Variants in TIAM1 observed in about 807,000 individuals in gnomAD.
TIAM1 encodes the protein rho guanine nucleotide exchange factor TIAM1.
TIAM1 carries 65 observed loss-of-function variants against 163.5 expected under a neutral mutation model. The observed-to-expected ratio is 0.40, with a 90% confidence interval of 0.33 to 0.49. The LOEUF is 0.49. TIAM1 is among the 20% of genes least tolerant of loss of function. The probability of loss-of-function intolerance (pLI) is 0.77; values close to 1 mark genes in which losing one functional copy is unlikely to be tolerated. For synonymous variants in TIAM1, 833 were observed against 810.1 expected (o/e 1.03, Z -0.48); for missense variants, 1,789 against 2,044.7 (o/e 0.87, Z 2.41).
rs997490227 is a variant in TIAM1, at chr21:31,492,768, T to C, written c.-421-28733A>G. On this transcript the variant is annotated intron_variant, in intron 1 of 28. Transcript: ENST00000286827. ...TCTAAATTGATTGAGACCTGAGATA[T>C]TTTGGGTTACACACACACACACACA... Among the ~76,000 whole-genome samples the C allele has an allele frequency of 2.8e-5, 4 of 141,864 alleles. No individual in the cohort carries two copies. The East Asian group carries it at 8.7e-4, about 31-fold the overall frequency. The allele number at this position is 141,864 out of a possible 152,430, so 93.1% of individuals were successfully genotyped here.
chr21:31,364,938 T>C (rs1301353890), intron 2 of TIAM1, among the ~76,000 whole-genome samples: 3 of 152,238 alleles, frequency 2.0e-5, no homozygotes, highest in Non-Finnish European at 4.4e-5. Flanking sequence ...GCCCTTGTTA[T>C]GTAAAAGCAA....
At chr21:31,408,149 T>G (rs889512625) in intron 2 of TIAM1, among the ~76,000 whole-genome samples, 3 of 152,238 alleles carry the variant, frequency 2.0e-5, no homozygotes, top group Admixed American at 6.5e-5. Flanking sequence ...TACTTCTACA[T>G]TATTCAGGGT....
intron 16 of TIAM1, among the ~76,000 whole-genome samples, chr21:31,164,215 C>G (rs2084085383): frequency 1.3e-5 from 2 of 152,056 alleles, no homozygotes; most frequent in African/African-American, 4.8e-5. Context: ...ACGGTGAAAC[C>G]CTGTCTCTAC....
chr21:31,141,490 C>A lies in TIAM1; in HGVS notation c.3490G>T (p.Ala1164Ser). 6.2e-7 allele frequency: 1 copy of A among 1,613,982 alleles called. No homozygotes were observed. Among genetic ancestry groups the A allele is most frequent in the Non-Finnish European group, 8.5e-7 (1 of 1,179,962 alleles). The change falls in exon 21 of 28, where the codon GCT (alanine) becomes TCT (serine). Residue 1164 changes from alanine (A) to serine (S), a missense_variant. By Grantham distance (99) the Ala-to-Ser change is moderately conservative. Transcript: ENST00000541036. This position sits in a 1 kb window ranked among gnomAD's most constrained non-coding sequence, Gnocchi z 4.7. ...TGGGCATCCAAGAATGCCTTGAAAG[C>A]CGTGTCTGTCTTGGCTGGCAGGGTT... ...KVLVKAKTDT[A>S]FKAFLDAQNP...
chr21:31,350,672 A>G (rs1432928941), intron 2 of TIAM1, among the ~76,000 whole-genome samples: 1 of 152,230 alleles, frequency 6.6e-6, no homozygotes, highest in African/African-American at 2.4e-5. Flanking sequence ...TCTTTCTGCC[A>G]TAACTGTAAG....
At chr21:31,552,338 T>C (rs1023301696) in intron 1 of TIAM1, among the ~76,000 whole-genome samples, 2 of 152,238 alleles carry the variant, frequency 1.3e-5, no homozygotes, top group South Asian at 4.1e-4. Flanking sequence ...ATAATTTATG[T>C]CAGAAAAAAT....
At chr21:31,166,219 C>T (rs2084207542) in intron 15 of TIAM1, among the ~76,000 whole-genome samples, 1 of 152,166 alleles carries the variant, frequency 6.6e-6, no homozygotes, top group Non-Finnish European at 1.5e-5. Context: ...AAAACCTTCT[C>T]TAATTGAATC....
intron 2 of TIAM1, among the ~76,000 whole-genome samples, chr21:31,363,108 A>C (rs1206077112): frequency 6.6e-6 from 1 of 152,086 alleles, no homozygotes; most frequent in Non-Finnish European, 1.5e-5. Context: ...CACGATCGAT[A>C]TTAGCTAATC....
intron 2 of TIAM1, among the ~76,000 whole-genome samples, chr21:31,447,843 C>T (rs1157915819): frequency 2.0e-5 from 3 of 152,118 alleles, no homozygotes; most frequent in Non-Finnish European, 4.4e-5. Flanking sequence ...AAGGAATTGG[C>T]TCGTGTGATT....
intron 20 of TIAM1, among the ~76,000 whole-genome samples, chr21:31,146,203 T>C (rs1309082805): frequency 6.6e-6 from 1 of 151,868 alleles, no homozygotes; most frequent in Non-Finnish European, 1.5e-5. Flanking sequence ...GAGGCCGAGG[T>C]GGGCGGATCA....
At chr21:31,185,450 C>T (rs188734287) in intron 14 of TIAM1, among the ~76,000 whole-genome samples, 3,341 of 138,008 alleles carry the variant, frequency 0.024, 76 homozygotes, top group Middle Eastern at 0.061. Context: ...ATTATATTAA[C>T]GATTATTATA....
At chr21:31,223,943 T>A (rs1002524868) in intron 7 of TIAM1, among the ~76,000 whole-genome samples, 6 of 151,976 alleles carry the variant, frequency 3.9e-5, no homozygotes, top group African/African-American at 1.5e-4. Flanking sequence ...TAACAAGAGG[T>A]AGGTTTTCAT....
intron 1 of TIAM1, among the ~76,000 whole-genome samples, chr21:31,535,857 G>A (rs969865771): frequency 3.3e-5 from 5 of 152,192 alleles, no homozygotes; most frequent in African/African-American, 1.2e-4. Context: ...TCCCAAGCAA[G>A]TACCAAACTG....
At chr21:31,515,201 C>G (rs1361782061) in intron 1 of TIAM1, among the ~76,000 whole-genome samples, 1 of 152,272 alleles carries the variant, frequency 6.6e-6, no homozygotes, top group African/African-American at 2.4e-5. Context: ...ACCCTCCCCA[C>G]GCAGCCCTCA....
intron 2 of TIAM1, among the ~76,000 whole-genome samples, chr21:31,318,220 C>T (rs979331388): frequency 1.3e-5 from 2 of 152,220 alleles, no homozygotes; most frequent in Non-Finnish European, 2.9e-5. Flanking sequence ...ACCCAAGGTT[C>T]CTGAGTAGCT....
In TIAM1 at chr21:31,403,541, G is replaced by C. The variant is rs188680734; in HGVS notation, c.-369+60442C>G. 4.5e-3 allele frequency among the ~76,000 whole-genome samples: 683 copies of C among 152,210 alleles called. 5 individuals carry two copies. The highest frequency in any genetic ancestry group is 0.015 in the African/African-American group (638 of 41,518). On this transcript the variant is annotated intron_variant, in intron 2 of 28. Coordinates refer to the TIAM1 transcript ENST00000286827. ...TTGAAGAAAATCTACCAAGCTCTCA[G>C]GCTGTTTTTCAGCTATTCAGGTAGC...
chr21:31,171,064 T>TAAAAAAAAAAAAA (rs2084492035), intron 15 of TIAM1, among the ~76,000 whole-genome samples: 1 of 134,050 alleles, frequency 7.5e-6, no homozygotes, highest in African/African-American at 3.3e-5. Flanking sequence ...AAAAAAAAAT[T>TAAAAAAAAAAAAA]GGGGGCCATC....
intron 2 of TIAM1, among the ~76,000 whole-genome samples, chr21:31,327,195 C>CT (rs905330583): frequency 2.2e-4 from 33 of 152,174 alleles, no homozygotes; most frequent in Admixed American, 1.6e-3. Flanking sequence ...GGAGGAGGAG[C>CT]TTTCTGTTTG....
At chr21:31,229,653 C>T (rs1336518134) in intron 6 of TIAM1, among the ~76,000 whole-genome samples, 1 of 148,576 alleles carries the variant, frequency 6.7e-6, no homozygotes, top group African/African-American at 2.6e-5. Flanking sequence ...TGTCTTCACC[C>T]CCCCTTTTTT....
Sources: allele counts gnomAD v4.1 joint callset (sites outside exome capture counted in the v4.1 genomes callset), GRCh38; gene constraint gnomAD v4.1.1; non-coding constraint Gnocchi (gnomAD v3.1); transcripts MANE v1.5; gene names NCBI Gene and HGNC (gene_info 2026-07-23, HGNC 2026-07-21).